BRAF: variants seen among roughly 807,000 people sequenced by gnomAD.
BRAF encodes the protein serine/threonine-protein kinase B-raf.
In BRAF, 16 loss-of-function variants were observed where a neutral mutation model predicts 104.6. The observed-to-expected ratio is 0.15, with a 90% CI of 0.10 to 0.23. The LOEUF (loss-of-function observed/expected upper bound fraction) is 0.23. BRAF is among the 10% of genes least tolerant of loss of function. The probability of loss-of-function intolerance (pLI) is 1.00; values close to 1 mark genes in which losing one functional copy is unlikely to be tolerated. For synonymous variants in BRAF, 310 were observed against 341.6 expected, an observed-to-expected ratio of 0.91 and a Z score of 1.02; for missense variants, 541 against 937.3, an observed-to-expected ratio of 0.58 and a Z score of 5.52.
At chr7:140,790,360 C>T (rs1420735168) in intron 8 of BRAF, among the ~76,000 whole-genome samples, 1 of 152,156 alleles carries the variant, frequency 6.6e-6, no homozygotes, top group African/African-American at 2.4e-5. Context: ...TACAAAGGTT[C>T]TTCTAGCATT....
chr7:140,849,118 T>C (rs1288883277), intron 2 of BRAF, among the ~76,000 whole-genome samples: 1 of 152,130 alleles, frequency 6.6e-6, no homozygotes, highest in Non-Finnish European at 1.5e-5. Context: ...AGCCAGCTTT[T>C]ATAAAGAAAG....
At chr7:140,869,444 C>T (rs940638648) in intron 1 of BRAF, among the ~76,000 whole-genome samples, 2 of 152,064 alleles carry the variant, frequency 1.3e-5, no homozygotes, top group African/African-American at 4.8e-5. Flanking sequence ...ACCTACCTGG[C>T]CAACATGGCG....
intron 14 of BRAF, among the ~76,000 whole-genome samples, chr7:140,760,805 TGAATGAAATGAAGCGA>T (rs1798643032): frequency 2.6e-5 from 4 of 151,502 alleles, no homozygotes; most frequent in Non-Finnish European, 5.9e-5. Context: ...GAAGATGAAA[TGAATGAAATGAAGCGA>T]GAAGGGAAGT....
intron 8 of BRAF, among the ~76,000 whole-genome samples, chr7:140,789,657 T>G (rs1243137808): frequency 1.3e-5 from 2 of 152,204 alleles, no homozygotes; most frequent in African/African-American, 4.8e-5. Flanking sequence ...TCAAATAATT[T>G]AAGAATAATT....
At chr7:140,922,585 T>C (rs1231508939) in intron 1 of BRAF, among the ~76,000 whole-genome samples, 1 of 152,222 alleles carries the variant, frequency 6.6e-6, no homozygotes, top group East Asian at 1.9e-4. Flanking sequence ...CACTCTGTAG[T>C]AGTCTTCAAA....
chr7:140,867,152 GCTGGGACTATTATTACCC>G (rs1256819812), intron 1 of BRAF, among the ~76,000 whole-genome samples: 1 of 152,110 alleles, frequency 6.6e-6, no homozygotes, highest in African/African-American at 2.4e-5. Flanking sequence ...GCTCCATGAG[GCTGGGACTATTATTACCC>G]CTATTTTACA....
chr7:140,763,727 CT>C (rs1280636298), intron 14 of BRAF, among the ~76,000 whole-genome samples: 1 of 152,184 alleles, frequency 6.6e-6, no homozygotes, highest in Non-Finnish European at 1.5e-5. Flanking sequence ...GACACATACA[CT>C]CTCCCAAGAC....
chr7:140,738,854 G>C (rs1054641901), intron 18 of BRAF, among the ~76,000 whole-genome samples: 36 of 151,800 alleles, frequency 2.4e-4, no homozygotes, highest in African/African-American at 8.7e-4. Context: ...GACCTCAACT[G>C]ATCTGCCTGC....
chr7:140,857,081 G>A (rs951398271), intron 1 of BRAF, among the ~76,000 whole-genome samples: 1 of 152,176 alleles, frequency 6.6e-6, no homozygotes, highest in African/African-American at 2.4e-5. Flanking sequence ...CTTTGCAGAT[G>A]TGATTAAGTA....
chr7:140,721,644 C>A lies in BRAF; in HGVS notation c.*4850G>T, dbSNP rs1795330694. The A allele has an allele frequency of 1.0e-5, 16 of 1,535,560 alleles. No individual in the cohort carries two copies. The highest frequency in any genetic ancestry group is 1.3e-5 in the Non-Finnish European group (15 of 1,146,622). On this transcript the variant is annotated 3_prime_UTR_variant, in exon 20 of 20. Coordinates refer to ENST00000644969, the MANE Select transcript of BRAF (RefSeq NM_001374258.1). ...CCTGAGGCAGAGATGCTACTACCCT[C>A]TTCTGGGGCTCAACTACCGATGGGC... is the stretch of plus-strand genomic sequence containing the variant.
At chr7:140,803,265 A>G (rs1803314478) in intron 5 of BRAF, among the ~76,000 whole-genome samples, 1 of 152,240 alleles carries the variant, frequency 6.6e-6, no homozygotes, top group African/African-American at 2.4e-5. Context: ...ATAATCACCA[A>G]AAGAGCTTAA....
chr7:140,900,895 GCCA>G (rs1815554969), intron 1 of BRAF, among the ~76,000 whole-genome samples: 1 of 152,186 alleles, frequency 6.6e-6, no homozygotes, highest in South Asian at 2.1e-4. Flanking sequence ...ACAGCCATGA[GCCA>G]CTGCACCTGG....
intron 1 of BRAF, among the ~76,000 whole-genome samples, chr7:140,888,339 ATTGAT>A (rs1451603243): frequency 1.3e-5 from 2 of 152,234 alleles, no homozygotes; most frequent in African/African-American, 2.4e-5. Flanking sequence ...ACTCACATAT[ATTGAT>A]TTAAGTAAAC....
At position 140,724,658 on chromosome 7, in the gene BRAF, T is replaced by C. The variant is rs2130827810; in HGVS notation, c.*1836A>G. 2 of 1,035,050 alleles carry C rather than the reference T, an allele frequency of 1.9e-6. No homozygotes were observed. Among genetic ancestry groups the C allele is most frequent in the South Asian group, 9.2e-5 (2 of 21,694 alleles). The allele number at this position is 1,035,050 out of a possible 1,614,324, so 64.1% of individuals were successfully genotyped here. On this transcript the variant is annotated 3_prime_UTR_variant, in exon 20 of 20. Transcript: ENST00000644969. ...GCAAAAATCTAATGGTAGTGAGCTT[T>C]TAGTGGCTGCAATATAGACAGCAGG...
Position 140,721,676 on chromosome 7 carries a change from A to C in BRAF, c.*4818T>G. ...GGCTCAACTACCGATGGGCATCAGT[A>C]ATCCATCCCAGTATAACATTTCAAG... On this transcript the variant is annotated 3_prime_UTR_variant, in exon 20 of 20. Transcript: ENST00000644969. 1 of 1,534,784 alleles carries C rather than the reference A, an allele frequency of 6.5e-7. No homozygotes were observed. The highest frequency in any genetic ancestry group is 8.7e-7 in the Non-Finnish European group (1 of 1,146,288).
chr7:140,815,019 C>T (rs941205717), intron 3 of BRAF, among the ~76,000 whole-genome samples: 5 of 151,738 alleles, frequency 3.3e-5, no homozygotes, highest in African/African-American at 7.3e-5. Flanking sequence ...CTTAAATAAA[C>T]TGGCACAGAA....
At chr7:140,895,472 T>C (rs1056482938) in intron 1 of BRAF, among the ~76,000 whole-genome samples, 5 of 152,336 alleles carry the variant, frequency 3.3e-5, no homozygotes, top group African/African-American at 1.2e-4. Flanking sequence ...TATGAAACTA[T>C]ATATTATTAA....
rs761520075 is a variant in BRAF, at chr7:140,720,925, T to C, written c.*5569A>G. On this transcript the variant is annotated 3_prime_UTR_variant, in exon 20 of 20. Coordinates refer to ENST00000644969, the MANE Select transcript of BRAF (RefSeq NM_001374258.1). ...AATTTTCTGCCAACTCTCCCGCATA[T>C]GTGCTGTACATGAGAACCAGCGGTC... is the stretch of plus-strand genomic sequence containing the variant. 1.1e-4 allele frequency: 116 copies of C among 1,065,800 alleles called. No homozygotes were observed. Among genetic ancestry groups the C allele is most frequent in the Non-Finnish European group, 1.3e-4 (114 of 879,646 alleles). The allele number at this position is 1,065,800 out of a possible 1,614,324, so 66.0% of individuals were successfully genotyped here.
At chr7:140,844,245 T>TA (rs1011498495) in intron 2 of BRAF, among the ~76,000 whole-genome samples, 16 of 150,752 alleles carry the variant, frequency 1.1e-4, no homozygotes, top group East Asian at 3.9e-4. Flanking sequence ...AAAAGAAAAT[T>TA]AAAAAAAAAT....
Sources: gnomAD v4.1 joint callset for allele counts (sites outside exome capture counted in the v4.1 genomes callset) on GRCh38, gnomAD v4.1.1 for gene constraint, MANE v1.5 for transcripts, NCBI Gene and HGNC (gene_info 2026-07-23, HGNC 2026-07-21) for gene names.